Variants in RNF17 observed in about 807,000 individuals in gnomAD.
RNF17 encodes the protein ring finger protein 17.
In RNF17, 31 loss-of-function variants were observed where a neutral mutation model predicts 200.5. The observed-to-expected ratio is 0.15, with a 90% confidence interval of 0.12 to 0.21. The LOEUF (loss-of-function observed/expected upper bound fraction) is 0.21. RNF17 is among the 10% of genes least tolerant of loss of function. The pLI is 1.00. For missense variants in RNF17, 1,628 were observed against 1,905.1 expected (o/e 0.85, Z 2.71); for synonymous variants, 606 against 637.8 (o/e 0.95, Z 0.75).
At chr13:24,826,016 A>C in intron 16 of RNF17, 1 of 984,838 alleles carries the variant, frequency 1.0e-6, no homozygotes. Context: ...AGAACAAAGC[A>C]ACAGAAATTA....
chr13:24,874,470 C>T (rs1376090812), intron 33 of RNF17, among the ~76,000 whole-genome samples: 2 of 148,140 alleles, frequency 1.4e-5, no homozygotes, highest in South Asian at 2.1e-4. Context: ...AGTGCAGTGG[C>T]GCAATCTTGG....
chr13:24,789,742 T>C lies in RNF17; in HGVS notation c.905T>C (p.Met302Thr), dbSNP rs1372011248. Residue 302 changes from methionine (M) to threonine (T), a missense_variant, in exon 9 of 36, where the codon ATG becomes ACG. Around this residue, in one of 5 missense-constraint regions of RNF17, gnomAD observed 502 missense variants for 501.7 expected, o/e 1.00. Transcript: ENST00000255324. ...GAGATCATCTGTATGTTCAACAATATGGGAAAGATTGAATTTAGGGACTCA... is the reference window on the plus strand; with the variant it reads ...GAGATCATCTGTATGTTCAACAATACGGGAAAGATTGAATTTAGGGACTCA... ...CSEIICMFNNMGKIEFRDSTK... is the reference protein window; with the variant it reads ...CSEIICMFNNTGKIEFRDSTK... 2 of 1,600,568 alleles carry C rather than the reference T, an allele frequency of 1.2e-6. No individual in the cohort carries two copies. The highest frequency in any genetic ancestry group is 2.2e-5 in the East Asian group (1 of 44,694).
Position 24,779,771 on chromosome 13 carries a change from T to C in RNF17, c.510+24T>C. 1.9e-6 allele frequency: 3 copies of C among 1,566,570 alleles called. 1 individual carries two copies. The South Asian group carries it at 3.3e-5, about 17-fold the overall frequency. On this transcript the variant is annotated intron_variant, in intron 5 of 35. Transcript: ENST00000255324. ...AAGTAAGCACTTTGCAGGATTAAAT[T>C]CTATCATGAAGTGAAGCATGTCCTC... is the stretch of plus-strand genomic sequence containing the variant.
In RNF17 at chr13:24,811,637, C is replaced by G. The variant is rs373865833; in HGVS notation, c.2091+7208C>G. ...TTGATCGTCTGAAGCCTTCTTCTCT[C>G]AGGTCGTCAAAGTCATTCTCCGTCC... On this transcript the variant is annotated intron_variant, in intron 15 of 35. Coordinates refer to ENST00000255324, the MANE Select transcript of RNF17 (RefSeq NM_031277.3). Among the ~76,000 whole-genome samples, 265 of 152,324 alleles carry G rather than the reference C, an allele frequency of 1.7e-3. 3 individuals carry two copies. The South Asian group carries it at 0.032, about 18-fold the overall frequency.
chr13:24,786,171 CT>C (rs1453157387), intron 6 of RNF17, among the ~76,000 whole-genome samples: 2 of 151,828 alleles, frequency 1.3e-5, no homozygotes, highest in African/African-American at 2.4e-5. Flanking sequence ...TTTCTCATTT[CT>C]TTTTGTGCAT....
chr13:24,820,585 A>G (rs1887939658), intron 15 of RNF17, among the ~76,000 whole-genome samples: 1 of 151,656 alleles, frequency 6.6e-6, no homozygotes, highest in Non-Finnish European at 1.5e-5. Context: ...ACAGGTGCCC[A>G]CCACCACGCC....
At chr13:24,887,899 A>G in the RNF17 span, among the ~76,000 whole-genome samples, 5 of 152,152 alleles carry the variant, frequency 3.3e-5, no homozygotes, top group South Asian at 8.3e-4. Flanking sequence ...TCTGTCTCCA[A>G]AAACCACAGT....
rs763054291 is a variant in RNF17, at chr13:24,764,305, G to A, written c.102G>A (p.Arg34=). The A allele has an allele frequency of 1.2e-6, 2 of 1,610,728 alleles. No individual in the cohort carries two copies. Among genetic ancestry groups the A allele is most frequent in the South Asian group, 1.1e-5 (1 of 90,804 alleles). Residue 34 remains arginine, a synonymous_variant, in exon 1 of 36, where the codon AGG becomes AGA. Transcript: ENST00000255324. ...GTGCCGCTGAAATCCAGTGCACCAG[G>A]TGTGGAAGGAGGGTATCCAGATCAT... ...PWGAAEIQCT[R]CGRRVSRSSG...
intron 15 of RNF17, among the ~76,000 whole-genome samples, chr13:24,814,292 C>T (rs1323638141): frequency 6.6e-6 from 1 of 152,120 alleles, no homozygotes; most frequent in African/African-American, 2.4e-5. Context: ...AGTTCAAAGG[C>T]GTGTTCCAAG....
At chr13:24,783,278 G>A (rs1882676575) in intron 6 of RNF17, among the ~76,000 whole-genome samples, 1 of 152,192 alleles carries the variant, frequency 6.6e-6, no homozygotes, top group Non-Finnish European at 1.5e-5. Flanking sequence ...CTAGTACCAT[G>A]CTGTTTTGAC....
chr13:24,852,409 A>T (rs1301351203), intron 24 of RNF17, among the ~76,000 whole-genome samples: 1 of 152,080 alleles, frequency 6.6e-6, no homozygotes. Flanking sequence ...AAGTGCTGGG[A>T]TTACAGGTGT....
In RNF17 at chr13:24,844,969, G is replaced by A; in HGVS notation, c.2991G>A (p.Leu997=). ...AGTTATTATTTTCTTAGGTCTTGCT[G>A]TATGATGTGGGTGTTGAACTAGTAG... ...MVTDTLVEVL[L]YDVGVELVVN... Residue 997 remains leucine (L), a synonymous_variant, in exon 22 of 36, where the codon CTG becomes CTA. Coordinates refer to ENST00000255324, the MANE Select transcript of RNF17 (RefSeq NM_031277.3). 1 of 1,599,360 alleles carries A rather than the reference G, an allele frequency of 6.3e-7. No homozygotes were observed. Among genetic ancestry groups the A allele is most frequent in the Non-Finnish European group, 8.6e-7 (1 of 1,167,320 alleles).
rs73162080 is a variant in RNF17 at position 24,862,872 on chromosome 13, G to C, written c.3975+79G>C. On this transcript the variant is annotated intron_variant, in intron 28 of 35. Coordinates refer to ENST00000255324, the MANE Select transcript of RNF17 (RefSeq NM_031277.3). Reference sequence around the variant, plus strand: ...TTAACATAATTTGAGGGATATTTTTGATGATAAGCAATGGTATATACCTTC... The same window carrying C: ...TTAACATAATTTGAGGGATATTTTTCATGATAAGCAATGGTATATACCTTC... The C allele has an allele frequency of 5.9e-3, 5,051 of 861,964 alleles. 19 individuals carry two copies. Among genetic ancestry groups the C allele is most frequent in the Non-Finnish European group, 8.1e-3 (4,271 of 525,028 alleles). The allele number at this position is 861,964 out of a possible 1,614,324, so 53.4% of individuals were successfully genotyped here.
chr13:24,783,453 T>C (rs1882700896), intron 6 of RNF17, among the ~76,000 whole-genome samples: 1 of 152,214 alleles, frequency 6.6e-6, no homozygotes, highest in African/African-American at 2.4e-5. Flanking sequence ...AGGGATTGCA[T>C]TGAATTGTAG....
intron 15 of RNF17, among the ~76,000 whole-genome samples, chr13:24,824,999 G>A (rs1326790464): frequency 6.6e-6 from 1 of 152,094 alleles, no homozygotes; most frequent in African/African-American, 2.4e-5. Context: ...GGAAAATTCA[G>A]CAGATAGACC....
At chr13:24,757,592 G>GAGATTACAGGCA in the RNF17 span, among the ~76,000 whole-genome samples, 1 of 152,158 alleles carries the variant, frequency 6.6e-6, no homozygotes, top group African/African-American at 2.4e-5. Context: ...CCAAAGTGCT[G>GAGATTACAGGCA]AGATTACAGG....
intron 32 of RNF17, among the ~76,000 whole-genome samples, chr13:24,872,877 G>C (rs563859454): frequency 1.7e-5 from 2 of 117,364 alleles, no homozygotes; most frequent in African/African-American, 5.9e-5. Context: ...TAGATGAAGG[G>C]GGACAGCCAT....
chr13:24,759,094 A>C, the RNF17 span, among the ~76,000 whole-genome samples: 2 of 151,644 alleles, frequency 1.3e-5, no homozygotes, highest in South Asian at 2.1e-4. Flanking sequence ...AAAAAAAAAA[A>C]AAAAAAAAAC....
At chr13:24,882,325 T>TTGA (rs1442289647), downstream of RNF17, 1 of 151,804 alleles carries the variant, frequency 6.6e-6, no homozygotes, top group African/African-American at 2.4e-5. Context: ...TCACCTGGAA[T>TTGA]TGATAGATTT....
Sources: allele counts gnomAD v4.1 joint callset (sites outside exome capture counted in the v4.1 genomes callset), GRCh38; gene constraint gnomAD v4.1.1; regional missense constraint gnomAD v4.1.1; transcripts MANE v1.5; gene names NCBI Gene and HGNC (gene_info 2026-07-23, HGNC 2026-07-21).